FRMD4A: variants seen among roughly 807,000 people sequenced by gnomAD.
The protein encoded by FRMD4A is FERM domain-containing protein 4A.
FRMD4A carries 29 observed loss-of-function variants against 129.1 expected under a neutral mutation model. The observed-to-expected ratio is 0.22, with a 90% CI of 0.17 to 0.31. The LOEUF (loss-of-function observed/expected upper bound fraction) is 0.31, where lower values mean the gene tolerates loss of function less well. Ranked by LOEUF, FRMD4A falls within the 10% of genes least tolerant of loss-of-function variation. The pLI is 1.00. For synonymous variants in FRMD4A, 634 were observed against 571.6 expected (o/e 1.11, Z -1.56); for missense variants, 1,272 against 1,375.8 (o/e 0.92, Z 1.19).
chr10:13,775,093 T>C (rs774108235), intron 6 of FRMD4A, among the ~76,000 whole-genome samples: 11 of 151,578 alleles, frequency 7.3e-5, no homozygotes, highest in Non-Finnish European at 1.6e-4. Context: ...AGTATAGGAG[T>C]GGGAGGCCAT....
chr10:13,938,813 C>T (rs2095268767), intron 2 of FRMD4A, among the ~76,000 whole-genome samples: 1 of 152,188 alleles, frequency 6.6e-6, no homozygotes, highest in Non-Finnish European at 1.5e-5. Flanking sequence ...TGCTGTTAAA[C>T]ATCCTGGAAT....
At chr10:13,994,828 C>T (rs1448644255) in intron 2 of FRMD4A, among the ~76,000 whole-genome samples, 1 of 152,218 alleles carries the variant, frequency 6.6e-6, no homozygotes, top group Non-Finnish European at 1.5e-5. Flanking sequence ...TAGCTGGCCT[C>T]ACCTGCTGGG....
intron 2 of FRMD4A, among the ~76,000 whole-genome samples, chr10:13,980,026 A>T (rs1424098971): frequency 6.6e-6 from 1 of 152,214 alleles, no homozygotes; most frequent in South Asian, 2.1e-4. Flanking sequence ...AATGCTGGGG[A>T]CCTGATGAAT....
intron 2 of FRMD4A, among the ~76,000 whole-genome samples, chr10:14,021,882 C>G (rs1031153190): frequency 1.1e-4 from 17 of 152,114 alleles, no homozygotes; most frequent in African/African-American, 4.1e-4. Context: ...AGAACGGCAT[C>G]TGAAATGACT....
rs66980805 is a variant in FRMD4A at position 13,925,566 on chromosome 10, CTTTTTTTTTTTTTTTTTTTTTT to C, written c.46-66676_46-66655del. Among the ~76,000 whole-genome samples the C allele has an allele frequency of 1.8e-4, 11 of 61,940 alleles. No individual in the cohort carries two copies. In the East Asian group the frequency reaches 5.6e-3, roughly 31 times the overall value. 40.6% of individuals were successfully genotyped at this position (61,940 alleles called of 152,430 possible). ...TGAAAGTTTCTATTGTAGTGAAACGCTTTTTTTTTTTTTTTTTTTTTTTTTTTTTTTTTTTGAGATGGAGTCT... is the reference window on the plus strand; with the variant it reads ...TGAAAGTTTCTATTGTAGTGAAACGCTTTTTTTTTTTTTGAGATGGAGTCT... On this transcript the variant is annotated intron_variant, in intron 2 of 24. Transcript: ENST00000357447.
At chr10:14,194,273 C>T (rs1475411579) in intron 2 of FRMD4A, among the ~76,000 whole-genome samples, 1 of 152,128 alleles carries the variant, frequency 6.6e-6, no homozygotes, top group Non-Finnish European at 1.5e-5. Context: ...AGCCCTACTA[C>T]TTCTCACAGC....
At chr10:14,033,453 A>C (rs1049526959) in intron 2 of FRMD4A, among the ~76,000 whole-genome samples, 6 of 152,060 alleles carry the variant, frequency 3.9e-5, no homozygotes, top group African/African-American at 1.5e-4. Context: ...AATGTCAAGG[A>C]ACCAACCTAA....
intron 2 of FRMD4A, among the ~76,000 whole-genome samples, chr10:14,049,614 G>A (rs1834163083): frequency 1.3e-5 from 2 of 152,200 alleles, no homozygotes; most frequent in Non-Finnish European, 1.5e-5. Flanking sequence ...TCTTACTGTG[G>A]AAAGATTTGA....
chr10:13,762,511 G>T, intron 7 of FRMD4A, 113 bp downstream of exon 7: 2 of 662,566 alleles, frequency 3.0e-6, no homozygotes, highest in East Asian at 2.7e-5. Context: ...GCTAAAAAAA[G>T]GTAAGACGAC....
Position 13,781,306 on chromosome 10 carries a change from T to TAAAAA in FRMD4A, c.384+1611_384+1615dup, listed in dbSNP as rs1253732948. Reference sequence around the variant, plus strand: ...GCGAGAGAGACCCTGTCTTAAAAATTAAAAAAAAAAAAAAAAAAAAAAAGG... The same window carrying TAAAAA: ...GCGAGAGAGACCCTGTCTTAAAAATTAAAAAAAAAAAAAAAAAAAAAAAAAAAAGG... On this transcript the variant is annotated intron_variant, in intron 6 of 24. Transcript: ENST00000357447. Among the ~76,000 whole-genome samples, 316 of 79,244 alleles carry TAAAAA rather than the reference T, an allele frequency of 4.0e-3. 1 individual carries two copies. Among genetic ancestry groups the TAAAAA allele is most frequent in the East Asian group, 8.5e-3 (18 of 2,130 alleles). 52.0% of individuals were successfully genotyped at this position (79,244 alleles called of 152,430 possible).
intron 11 of FRMD4A, among the ~76,000 whole-genome samples, chr10:13,738,300 A>C (rs2090769049): frequency 6.6e-6 from 1 of 152,104 alleles, no homozygotes; most frequent in Admixed American, 6.6e-5. Context: ...ACAACTGAAA[A>C]TCTGTGAGAT....
intron 2 of FRMD4A, among the ~76,000 whole-genome samples, chr10:14,185,730 G>A (rs537394062): frequency 2.6e-5 from 4 of 152,282 alleles, no homozygotes; most frequent in East Asian, 1.9e-4. Context: ...TAGAGAGAAG[G>A]GATGGCAACA....
At chr10:13,825,071 T>C (rs1026873049) in intron 3 of FRMD4A, among the ~76,000 whole-genome samples, 4 of 152,170 alleles carry the variant, frequency 2.6e-5, no homozygotes, top group African/African-American at 9.7e-5. Context: ...CCAAACCCTA[T>C]ATATACTGCT....
intron 2 of FRMD4A, among the ~76,000 whole-genome samples, chr10:14,227,813 C>A (rs1843497514): frequency 2.0e-5 from 3 of 152,108 alleles, no homozygotes; most frequent in South Asian, 2.1e-4. Context: ...ACCAGCATTG[C>A]TAAGAATTTG....
At chr10:14,325,225 C>A (rs773861208) in intron 2 of FRMD4A, among the ~76,000 whole-genome samples, 1 of 152,212 alleles carries the variant, frequency 6.6e-6, no homozygotes, top group East Asian at 1.9e-4. Context: ...AGGCTTATTA[C>A]AAATTCTGAA....
chr10:14,127,587 G>GA (rs541196981), intron 2 of FRMD4A, among the ~76,000 whole-genome samples: 144 of 152,200 alleles, frequency 9.5e-4, no homozygotes, highest in Middle Eastern at 3.4e-3. Context: ...TTTCCCATCT[G>GA]AAAAATAGAA....
chr10:13,654,442 G>T lies in FRMD4A; in HGVS notation c.3024C>A (p.Pro1008=). The change falls in exon 23 of 25, where the codon CCC becomes CCA. Residue 1008 remains proline (P), a synonymous_variant. Transcript: ENST00000357447. ...SEIGATPPSS[P]HHILTWQTGE... Reference sequence around the variant, plus strand: ...CAGTCTGCCAGGTTAGGATGTGGTGGGGGCTGCTTGGGGGGGTGGCTCCAA... The same window carrying T: ...CAGTCTGCCAGGTTAGGATGTGGTGTGGGCTGCTTGGGGGGGTGGCTCCAA... 1 of 1,612,842 alleles carries T rather than the reference G, an allele frequency of 6.2e-7. No homozygotes were observed. The highest frequency in any genetic ancestry group is 8.5e-7 in the Non-Finnish European group (1 of 1,178,796).
At chr10:14,142,499 T>C (rs770744562) in intron 2 of FRMD4A, among the ~76,000 whole-genome samples, 4 of 152,236 alleles carry the variant, frequency 2.6e-5, no homozygotes, top group Non-Finnish European at 5.9e-5. Context: ...TGAGCTACGC[T>C]TGCATCCTGA....
intron 2 of FRMD4A, among the ~76,000 whole-genome samples, chr10:13,961,911 GATGA>G (rs1018264419): frequency 1.3e-5 from 2 of 151,944 alleles, no homozygotes; most frequent in Non-Finnish European, 2.9e-5. Flanking sequence ...TTATTTGTTA[GATGA>G]ATGAACAAAG....
Sources: allele counts gnomAD v4.1 joint callset (sites outside exome capture counted in the v4.1 genomes callset), GRCh38; gene constraint gnomAD v4.1.1; transcripts MANE v1.5; gene names NCBI Gene and HGNC (gene_info 2026-07-23, HGNC 2026-07-21).